SLC35F1: variants seen among roughly 807,000 people sequenced by gnomAD.
The protein encoded by SLC35F1 is chromosome 6 open reading frame 169.
SLC35F1 carries 14 observed loss-of-function variants against 48.7 expected under a neutral mutation model. That is an observed-to-expected ratio of 0.29 (90% CI 0.19 to 0.45). The LOEUF (loss-of-function observed/expected upper bound fraction) is 0.45, where lower values mean the gene tolerates loss of function less well. Ranked by LOEUF, SLC35F1 falls within the 20% of genes least tolerant of loss-of-function variation. SLC35F1 has a pLI of 1.00. For synonymous variants in SLC35F1, 190 were observed against 202.2 expected (o/e 0.94, Z 0.51); for missense variants, 404 against 500.0 (o/e 0.81, Z 1.83).
chr6:118,273,762 C>T (rs921548028), intron 4 of SLC35F1, among the ~76,000 whole-genome samples: 3 of 152,172 alleles, frequency 2.0e-5, no homozygotes, highest in African/African-American at 7.2e-5. Flanking sequence ...CAGCTCATCT[C>T]CTGGGCAGTG....
chr6:117,909,470 A>G (rs1775736694), intron 1 of SLC35F1, among the ~76,000 whole-genome samples: 1 of 152,182 alleles, frequency 6.6e-6, no homozygotes, highest in South Asian at 2.1e-4. Context: ...CTTGATATGT[A>G]ATGAATCATA....
intron 1 of SLC35F1, chr6:117,999,358 G>A: frequency 1.3e-6 from 2 of 1,591,752 alleles, no homozygotes; most frequent in Admixed American, 1.7e-5. Flanking sequence ...CCAAGGCCAA[G>A]GATCAAACCA....
At chr6:118,255,489 C>T (rs62421486) in intron 3 of SLC35F1, among the ~76,000 whole-genome samples, 14,223 of 152,162 alleles carry the variant, frequency 0.093, 681 homozygotes, top group Middle Eastern at 0.14. Flanking sequence ...CAGATTTCCC[C>T]GCAACTGAGC....
At chr6:118,250,463 A>G (rs1176801979) in intron 3 of SLC35F1, among the ~76,000 whole-genome samples, 1 of 152,218 alleles carries the variant, frequency 6.6e-6, no homozygotes, top group African/African-American at 2.4e-5. Context: ...ACTGAGCAGA[A>G]AAGAGAAAAA....
intron 1 of SLC35F1, among the ~76,000 whole-genome samples, chr6:118,021,806 C>T (rs1028808459): frequency 2.6e-5 from 4 of 152,264 alleles, no homozygotes; most frequent in Non-Finnish European, 2.9e-5. Context: ...GGGGGCCACT[C>T]GTCTGGCTGC....
chr6:118,168,845 T>G (rs1212031841), intron 2 of SLC35F1, among the ~76,000 whole-genome samples: 1 of 152,208 alleles, frequency 6.6e-6, no homozygotes, highest in African/African-American at 2.4e-5. Flanking sequence ...TATAATCTTA[T>G]GTTATAAAGT....
intron 4 of SLC35F1, among the ~76,000 whole-genome samples, chr6:118,272,522 A>G (rs901866831): frequency 2.0e-5 from 3 of 152,092 alleles, no homozygotes; most frequent in Admixed American, 6.6e-5. Context: ...TGCATAAACT[A>G]TGTTAATATT....
At chr6:118,112,749 T>C (rs540097148) in intron 1 of SLC35F1, among the ~76,000 whole-genome samples, 1 of 152,112 alleles carries the variant, frequency 6.6e-6, no homozygotes, top group African/African-American at 2.4e-5. Context: ...GGAGAGGAAA[T>C]AGAATAATGT....
At chr6:117,921,417 A>G (rs184550920) in intron 1 of SLC35F1, among the ~76,000 whole-genome samples, 160 of 152,364 alleles carry the variant, frequency 1.1e-3, no homozygotes, top group Non-Finnish European at 1.9e-3. Context: ...AGGTGACAAT[A>G]AGTACTGTGA....
chr6:118,205,837 T>C (rs1774928947), intron 2 of SLC35F1, among the ~76,000 whole-genome samples: 1 of 152,216 alleles, frequency 6.6e-6, no homozygotes, highest in African/African-American at 2.4e-5. Flanking sequence ...TGATACAATA[T>C]GGACTACCCT....
chr6:117,997,717 C>A (rs1448268439), intron 1 of SLC35F1, among the ~76,000 whole-genome samples: 1 of 152,152 alleles, frequency 6.6e-6, no homozygotes, highest in African/African-American at 2.4e-5. Context: ...TACAGACAAG[C>A]AAATGCTGAG....
intron 3 of SLC35F1, among the ~76,000 whole-genome samples, chr6:118,258,919 A>G (rs902422237): frequency 6.6e-6 from 1 of 151,936 alleles, no homozygotes; most frequent in African/African-American, 2.4e-5. Context: ...ATCATAAATA[A>G]CTAAAAGAAC....
chr6:117,922,702 G>T (rs1354102848), intron 1 of SLC35F1, among the ~76,000 whole-genome samples: 1 of 152,216 alleles, frequency 6.6e-6, no homozygotes, highest in Non-Finnish European at 1.5e-5. Flanking sequence ...CATTAGGACA[G>T]GTCTGATTGC....
chr6:118,039,832 G>T (rs567303243), intron 1 of SLC35F1, among the ~76,000 whole-genome samples: 1 of 105,062 alleles, frequency 9.5e-6, no homozygotes, highest in Non-Finnish European at 2.1e-5. Context: ...CTTCAGACTG[G>T]CTTACTTATT....
chr6:118,169,416 C>CCTTT (rs1774367297), intron 2 of SLC35F1, among the ~76,000 whole-genome samples: 1 of 152,162 alleles, frequency 6.6e-6, no homozygotes, highest in South Asian at 2.1e-4. Context: ...AACAAATGAA[C>CCTTT]TTAAAGAACC....
At chr6:118,257,316 A>G (rs1476868016) in intron 3 of SLC35F1, among the ~76,000 whole-genome samples, 1 of 152,174 alleles carries the variant, frequency 6.6e-6, no homozygotes, top group Non-Finnish European at 1.5e-5. Context: ...TTGAGGAAAA[A>G]AAAACTACAG....
chr6:118,193,408 T>C (rs1774758670), intron 2 of SLC35F1, among the ~76,000 whole-genome samples: 1 of 152,216 alleles, frequency 6.6e-6, no homozygotes, highest in Non-Finnish European at 1.5e-5. Context: ...CTTTAGTCAG[T>C]GTCCACACAG....
At chr6:118,212,591 G>A in intron 2 of SLC35F1, among the ~76,000 whole-genome samples, 1 of 152,074 alleles carries the variant, frequency 6.6e-6, no homozygotes, top group East Asian at 1.9e-4. Flanking sequence ...TTGAGAGGCT[G>A]AGGCAGAAGA....
chr6:118,086,705 G>A (rs1414164687), intron 1 of SLC35F1, among the ~76,000 whole-genome samples: 3 of 152,162 alleles, frequency 2.0e-5, no homozygotes, highest in South Asian at 2.1e-4. Flanking sequence ...AGAAGCCTTG[G>A]TTCACCGTGG....
Sources: gnomAD v4.1 joint callset for allele counts (sites outside exome capture counted in the v4.1 genomes callset) on GRCh38, gnomAD v4.1.1 for gene constraint, MANE v1.5 for transcripts, NCBI Gene and HGNC (gene_info 2026-07-23, HGNC 2026-07-21) for gene names.